KLHL14: variants seen among roughly 807,000 people sequenced by gnomAD.
The protein encoded by KLHL14 is kelch like family member 14.
Under a neutral mutation model 64.3 loss-of-function variants are expected in KLHL14, and 22 were observed. The ratio of observed to expected loss-of-function variants is 0.34; its 90% CI spans 0.24 to 0.49. The LOEUF is 0.49. KLHL14 is among the 20% of genes least tolerant of loss of function. The probability of loss-of-function intolerance (pLI) is 0.99; values close to 1 mark genes in which losing one functional copy is unlikely to be tolerated. For synonymous variants in KLHL14, 322 were observed against 333.4 expected, an observed-to-expected ratio of 0.97 and a Z score of 0.37; for missense variants, 661 against 789.0, an observed-to-expected ratio of 0.84 and a Z score of 1.94.
intron 5 of KLHL14, among the ~76,000 whole-genome samples, chr18:32,685,004 G>A (rs1183481362): frequency 1.3e-5 from 2 of 151,984 alleles, no homozygotes; most frequent in Admixed American, 1.3e-4. Context: ...GCTGTAAGGA[G>A]CTCTTTATTT....
At chr18:32,741,388 T>G (rs909163743) in intron 3 of KLHL14, among the ~76,000 whole-genome samples, 1 of 152,170 alleles carries the variant, frequency 6.6e-6, no homozygotes, top group African/African-American at 2.4e-5. Flanking sequence ...CAAGCACAAT[T>G]TCATGCAGCT....
At chr18:32,769,048 C>G (rs564151434) in intron 2 of KLHL14, among the ~76,000 whole-genome samples, 2 of 152,312 alleles carry the variant, frequency 1.3e-5, no homozygotes, top group African/African-American at 4.8e-5. Flanking sequence ...GCACATGATA[C>G]CAGCATTTCC....
At chr18:32,711,575 C>T (rs2050019440) in intron 3 of KLHL14, among the ~76,000 whole-genome samples, 1 of 152,106 alleles carries the variant, frequency 6.6e-6, no homozygotes, top group African/African-American at 2.4e-5. Context: ...TGCAGTCACT[C>T]AACAAGTTTG....
intron 3 of KLHL14, among the ~76,000 whole-genome samples, chr18:32,726,617 G>A (rs2050109522): frequency 6.6e-6 from 1 of 151,416 alleles, no homozygotes; most frequent in Non-Finnish European, 1.5e-5. Context: ...GAGCAAGACT[G>A]TCTCAAGATA....
At chr18:32,768,833 C>T (rs2050361054) in intron 2 of KLHL14, among the ~76,000 whole-genome samples, 1 of 152,148 alleles carries the variant, frequency 6.6e-6, no homozygotes, top group Non-Finnish European at 1.5e-5. Flanking sequence ...AGCAACTCTC[C>T]AACTTCTTTG....
intron 3 of KLHL14, among the ~76,000 whole-genome samples, chr18:32,705,352 A>C (rs1222063619): frequency 6.6e-6 from 1 of 152,250 alleles, no homozygotes; most frequent in African/African-American, 2.4e-5. Context: ...TATGATTACT[A>C]TACATTATAT....
intron 3 of KLHL14, among the ~76,000 whole-genome samples, chr18:32,702,248 A>G (rs1340261562): frequency 6.6e-6 from 1 of 152,082 alleles, no homozygotes; most frequent in Non-Finnish European, 1.5e-5. Flanking sequence ...TCAAATAGCA[A>G]TTACATGCTG....
chr18:32,720,450 A>G (rs1330283870), intron 3 of KLHL14, among the ~76,000 whole-genome samples: 2 of 152,154 alleles, frequency 1.3e-5, no homozygotes, highest in African/African-American at 2.4e-5. Flanking sequence ...GAGAACAACA[A>G]AGACAGAATG....
Position 32,770,083 on chromosome 18 carries a change from G to T in KLHL14, c.509C>A (p.Thr170Asn). 1 of 1,614,180 alleles carries T rather than the reference G, an allele frequency of 6.2e-7. No individual in the cohort carries two copies. Among genetic ancestry groups the T allele is most frequent in the South Asian group, 1.1e-5 (1 of 91,078 alleles). The change falls in exon 2 of 9, where the codon ACC becomes AAC. Residue 170 changes from threonine to asparagine, a missense_variant. Thr to Asn is a moderately conservative substitution (Grantham distance 65). Coordinates refer to ENST00000359358, the MANE Select transcript of KLHL14 (RefSeq NM_020805.3). The surrounding 1 kb of genome is among the most constrained non-coding windows in gnomAD (Gnocchi z 6.7). Reference protein sequence around the residue: ...VSKILHIPQVTKLCVQFLNDQ... With the variant: ...VSKILHIPQVNKLCVQFLNDQ... ...GTTGAGGAACTGCACGCAGAGCTTG[G>T]TGACCTGGGGGATGTGCAGGATCTT...
At chr18:32,767,611 C>T (rs747073021) in intron 2 of KLHL14, among the ~76,000 whole-genome samples, 5 of 152,174 alleles carry the variant, frequency 3.3e-5, no homozygotes, top group Non-Finnish European at 7.3e-5. Context: ...GCCAGGCAGC[C>T]TGGTATCTCA....
At chr18:32,709,207 A>C (rs2050005910) in intron 3 of KLHL14, among the ~76,000 whole-genome samples, 1 of 152,108 alleles carries the variant, frequency 6.6e-6, no homozygotes, top group South Asian at 2.1e-4. Context: ...CTCCAACCAT[A>C]CCGGCTGCTT....
intron 3 of KLHL14, among the ~76,000 whole-genome samples, chr18:32,732,891 T>C (rs1397653842): frequency 6.6e-6 from 1 of 152,162 alleles, no homozygotes; most frequent in Non-Finnish European, 1.5e-5. Context: ...ACAACTGTTA[T>C]TTGCTCTTAC....
At chr18:32,681,715 T>A (rs1227159098) in intron 5 of KLHL14, among the ~76,000 whole-genome samples, 1 of 152,222 alleles carries the variant, frequency 6.6e-6, no homozygotes, top group East Asian at 1.9e-4. Context: ...ATGCCGAGAT[T>A]CTTGTTCAAT....
intron 3 of KLHL14, chr18:32,740,926 G>A (rs16963829): frequency 0.18 from 27,433 of 152,044 alleles, 2,562 homozygotes; most frequent in Middle Eastern, 0.25. Context: ...TGCTTTTATG[G>A]GTAAACTGTT....
intron 3 of KLHL14, among the ~76,000 whole-genome samples, chr18:32,699,625 C>T (rs1339801202): frequency 6.6e-6 from 1 of 152,164 alleles, no homozygotes; most frequent in African/African-American, 2.4e-5. Context: ...CCATTTCACT[C>T]TACTGATTTT....
At position 32,708,940 on chromosome 18, in the gene KLHL14, T is replaced by A. The variant is rs911174383; in HGVS notation, c.1070-13388A>T. Among the ~76,000 whole-genome samples, 5 of 152,172 alleles carry A rather than the reference T, an allele frequency of 3.3e-5. No homozygotes were observed. In the East Asian group the frequency reaches 9.6e-4, roughly 29 times the overall value. On this transcript the variant is annotated intron_variant, in intron 3 of 8. Transcript: ENST00000359358. Reference sequence around the variant, plus strand: ...TGGTCATGTGGCCCAGTAAACCCCCTATATTCCATAGACCTTTGCAACAGC... The same window carrying A: ...TGGTCATGTGGCCCAGTAAACCCCCAATATTCCATAGACCTTTGCAACAGC...
intron 2 of KLHL14, among the ~76,000 whole-genome samples, chr18:32,768,423 A>ACACT (rs2050358353): frequency 6.6e-6 from 1 of 151,668 alleles, no homozygotes; most frequent in Non-Finnish European, 1.5e-5. Context: ...ACACACACAC[A>ACACT]CACACACACC....
chr18:32,748,652 CTTT>C (rs34896902), intron 2 of KLHL14, among the ~76,000 whole-genome samples: 13 of 133,016 alleles, frequency 9.8e-5, no homozygotes, highest in Admixed American at 1.5e-4. Context: ...CCGCACCAGG[CTTT>C]TTTTTTTTTT....
chr18:32,683,344 C>T lies in KLHL14; in HGVS notation c.1239-2745G>A, dbSNP rs993978638. Among the ~76,000 whole-genome samples the T allele has an allele frequency of 2.0e-5, 3 of 152,216 alleles. 1 individual carries two copies. Among genetic ancestry groups the T allele is most frequent in the Admixed American group, 2.0e-4 (3 of 15,280 alleles). ...GGTAGAAATTCCAATAGTAAAGATTCTGAGTCTTTGACTTATTCCCTTGCA... is the reference window on the plus strand; with the variant it reads ...GGTAGAAATTCCAATAGTAAAGATTTTGAGTCTTTGACTTATTCCCTTGCA... On this transcript the variant is annotated intron_variant, in intron 5 of 8. Coordinates refer to ENST00000359358, the MANE Select transcript of KLHL14 (RefSeq NM_020805.3). This position sits in a 1 kb window ranked among gnomAD's most constrained non-coding sequence, Gnocchi z 4.2.
Sources: allele counts gnomAD v4.1 joint callset (sites outside exome capture counted in the v4.1 genomes callset), GRCh38; gene constraint gnomAD v4.1.1; non-coding constraint Gnocchi (gnomAD v3.1); transcripts MANE v1.5; gene names NCBI Gene and HGNC (gene_info 2026-07-23, HGNC 2026-07-21).